The following MMRN1 variants were observed in gnomAD, a reference collection of about 807,000 sequenced individuals.
MMRN1 encodes the protein multimerin 1, also known as multimerin-1.
MMRN1 carries 94 observed loss-of-function variants against 100.7 expected under a neutral mutation model. The ratio of observed to expected loss-of-function variants is 0.93; its 90% CI spans 0.79 to 1.11. MMRN1 has a LOEUF of 1.11. Ranked by LOEUF, MMRN1 falls within the 50% of genes least tolerant of loss-of-function variation. MMRN1 has a pLI of 0.00. For missense variants in MMRN1, 1,606 were observed against 1,439.1 expected (o/e 1.12, Z -1.88); for synonymous variants, 575 against 505.0 (o/e 1.14, Z -1.86).
upstream of MMRN1, among the ~76,000 whole-genome samples, chr4:89,890,691 G>A (rs1008434803): frequency 9.2e-5 from 14 of 152,048 alleles, no homozygotes; most frequent in Non-Finnish European, 1.3e-4. Flanking sequence ...AAAGAAATGC[G>A]TTTTGAACTC....
intron 6 of MMRN1, among the ~76,000 whole-genome samples, chr4:89,938,305 G>A (rs1245211122): frequency 1.3e-5 from 2 of 151,070 alleles, no homozygotes; most frequent in Non-Finnish European, 3.0e-5. Context: ...CCAGAGAAAG[G>A]TAGTATCTCA....
chr4:89,880,451 TA>T (rs1229081650), intron 1 of MMRN1, among the ~76,000 whole-genome samples: 2 of 152,154 alleles, frequency 1.3e-5, no homozygotes, highest in Non-Finnish European at 2.9e-5. Flanking sequence ...AGGAAATCAG[TA>T]TTAATCTGCC....
chr4:89,907,832 T>TG (rs1428447173), intron 1 of MMRN1, among the ~76,000 whole-genome samples: 1 of 150,384 alleles, frequency 6.6e-6, no homozygotes, highest in African/African-American at 2.4e-5. Flanking sequence ...TTTTTTTGTT[T>TG]TTTTTTTTTC....
At chr4:89,930,982 A>G (rs1391354264) in intron 5 of MMRN1, among the ~76,000 whole-genome samples, 1 of 152,086 alleles carries the variant, frequency 6.6e-6, no homozygotes, top group Non-Finnish European at 1.5e-5. Flanking sequence ...AGTCTTTTCT[A>G]ATTCATTTAG....
intron 1 of MMRN1, among the ~76,000 whole-genome samples, chr4:89,903,320 A>T (rs904787742): frequency 6.6e-6 from 1 of 151,540 alleles, no homozygotes; most frequent in African/African-American, 2.4e-5. Flanking sequence ...ATTTATGTTC[A>T]TGACTTCTTA....
upstream of MMRN1, among the ~76,000 whole-genome samples, chr4:89,892,260 T>C (rs904146564): frequency 2.6e-5 from 4 of 151,644 alleles, no homozygotes; most frequent in Admixed American, 6.6e-5. Context: ...GGCAAGATGG[T>C]AAAACATAAT....
chr4:89,932,760 C>T (rs1722483548), intron 5 of MMRN1, among the ~76,000 whole-genome samples: 1 of 152,110 alleles, frequency 6.6e-6, no homozygotes, highest in Admixed American at 6.6e-5. Context: ...AGCAGCAAGG[C>T]CCCCATGAAA....
intron 3 of MMRN1, among the ~76,000 whole-genome samples, chr4:89,912,923 A>T (rs1342890713): frequency 6.6e-6 from 1 of 151,288 alleles, no homozygotes; most frequent in African/African-American, 2.4e-5. Context: ...TCTACAGGCA[A>T]ATTTCACCAT....
intron 1 of MMRN1, among the ~76,000 whole-genome samples, chr4:89,884,861 T>C (rs920099841): frequency 6.6e-6 from 1 of 152,196 alleles, no homozygotes; most frequent in African/African-American, 2.4e-5. Context: ...ATCCTGCTAA[T>C]TTCTTTTATT....
intron 3 of MMRN1, among the ~76,000 whole-genome samples, chr4:89,920,375 T>C (rs946935892): frequency 3.3e-5 from 5 of 152,132 alleles, no homozygotes; most frequent in Non-Finnish European, 4.4e-5. Context: ...CATTGGGCTG[T>C]AGATTTGATT....
chr4:89,953,060 G>T lies in MMRN1; in HGVS notation c.3329G>T (p.Gly1110Val), dbSNP rs1288807468. The change falls in exon 8 of 8, where the codon GGA (glycine) becomes GTA (valine). Residue 1110 changes from glycine (G) to valine (V), a missense_variant. By Grantham distance (109) the Gly-to-Val change is moderately radical. Coordinates refer to ENST00000264790, the MANE Select transcript of MMRN1 (RefSeq NM_007351.3). Reference sequence around the variant, plus strand: ...GCATTTTTTGCATCTCATACGTATGGAATGACTATACCTGGTCCTATCCTG... The same window carrying T: ...GCATTTTTTGCATCTCATACGTATGTAATGACTATACCTGGTCCTATCCTG... Reference protein sequence around the residue: ...MVAFFASHTYGMTIPGPILFN... With the variant: ...MVAFFASHTYVMTIPGPILFN... 6.2e-7 allele frequency: 1 copy of T among 1,613,674 alleles called. No homozygotes were observed. The highest frequency in any genetic ancestry group is 8.5e-7 in the Non-Finnish European group (1 of 1,179,748).
chr4:89,897,068 C>T (rs1402341227), intron 1 of MMRN1, among the ~76,000 whole-genome samples: 1 of 152,040 alleles, frequency 6.6e-6, no homozygotes, highest in Non-Finnish European at 1.5e-5. Flanking sequence ...TTATTGACAG[C>T]TTTTTCTAAA....
intron 1 of MMRN1, among the ~76,000 whole-genome samples, chr4:89,906,358 C>A (rs1214737478): frequency 6.6e-6 from 1 of 151,454 alleles, no homozygotes; most frequent in African/African-American, 2.4e-5. Context: ...TAGAACAAAC[C>A]TTTTACCTAT....
At chr4:89,918,800 A>AT (rs989682625) in intron 3 of MMRN1, among the ~76,000 whole-genome samples, 10 of 151,788 alleles carry the variant, frequency 6.6e-5, no homozygotes, top group Non-Finnish European at 1.2e-4. Flanking sequence ...AAAAAATTAA[A>AT]TTTTCACATA....
Position 89,884,818 on chromosome 4 carries a change from A to G in MMRN1, c.-249+5216A>G, listed in dbSNP as rs540000768. ...ATGTACACAGACAAGTCATTTATAT[A>G]TAATACAGCACTTTACATTTTCCTT... is the stretch of plus-strand genomic sequence containing the variant. On this transcript the variant is annotated intron_variant, in intron 1 of 8. Coordinates refer to the MMRN1 transcript ENST00000394980. Among the ~76,000 whole-genome samples the G allele has an allele frequency of 7.9e-5, 12 of 152,282 alleles. No homozygotes were observed. The South Asian group carries it at 2.5e-3, about 32-fold the overall frequency.
intron 6 of MMRN1, 156 bp from the exon 7 acceptor site, chr4:89,951,449 T>C: frequency 1.6e-6 from 1 of 612,772 alleles, no homozygotes; most frequent in Non-Finnish European, 2.5e-6. Context: ...TTGCATGACG[T>C]CCTGTGCCCA....
intron 3 of MMRN1, among the ~76,000 whole-genome samples, chr4:89,912,769 G>A (rs1040908237): frequency 2.0e-5 from 3 of 151,198 alleles, no homozygotes; most frequent in African/African-American, 7.3e-5. Context: ...CAGTATAAGA[G>A]ACTGTGATTA....
chr4:89,941,683 C>T (rs1241168232), intron 6 of MMRN1, among the ~76,000 whole-genome samples: 1 of 152,062 alleles, frequency 6.6e-6, no homozygotes, highest in Non-Finnish European at 1.5e-5. Flanking sequence ...AAGTCAAGTT[C>T]CCAGATGCTA....
chr4:89,903,016 A>G (rs1398266733), intron 1 of MMRN1, among the ~76,000 whole-genome samples: 1 of 151,980 alleles, frequency 6.6e-6, no homozygotes, highest in Non-Finnish European at 1.5e-5. Flanking sequence ...ATAAATATTG[A>G]GATGAACTTG....
Sources: allele counts gnomAD v4.1 joint callset (sites outside exome capture counted in the v4.1 genomes callset), GRCh38; gene constraint gnomAD v4.1.1; transcripts MANE v1.5; gene names NCBI Gene and HGNC (gene_info 2026-07-23, HGNC 2026-07-21).